Variants in IP6K3 observed in about 807,000 individuals in gnomAD.
IP6K3 encodes ATP:1D-myo-inositol-hexakisphosphate phosphotransferase.
A neutral mutation model predicts 28.8 loss-of-function variants in IP6K3; 20 were observed. That is an observed-to-expected ratio of 0.70 (90% CI 0.49 to 1.01). The LOEUF (loss-of-function observed/expected upper bound fraction) is 1.01, where lower values mean the gene tolerates loss of function less well. IP6K3 is among the 50% of genes least tolerant of loss of function. The pLI is 0.00. For synonymous variants in IP6K3, 213 were observed against 221.3 expected (o/e 0.96, Z 0.33); for missense variants, 480 against 537.1 (o/e 0.89, Z 1.05).
In IP6K3 at chr6:33,730,670, A is replaced by G. The variant is rs144502403; in HGVS notation, c.200-2370T>C. 2.1e-3 allele frequency among the ~76,000 whole-genome samples: 313 copies of G among 152,000 alleles called. 1 individual carries two copies. Among genetic ancestry groups the G allele is most frequent in the African/African-American group, 7.1e-3 (293 of 41,476 alleles). ...ATGTTGCTGCTTTTCCCTTGCTACC[A>G]CTAAGTCACAGTACGCCTGTAAGGG... On this transcript the variant is annotated intron_variant, in intron 2 of 5. Coordinates refer to ENST00000293756, the MANE Select transcript of IP6K3 (RefSeq NM_054111.5).
chr6:33,728,303 G>T lies in IP6K3; in HGVS notation c.200-3C>A. On this transcript the variant is annotated splice_polypyrimidine_tract_variant and splice_region_variant and intron_variant, in intron 2 of 5. Transcript: ENST00000293756. ...CCAGAGGTGCACTGTGACGGTACCT[G>T]CAAACACACAGGGAAGGGGAGGGGA... The T allele has an allele frequency of 6.2e-7, 1 of 1,613,906 alleles. No individual in the cohort carries two copies.
chr6:33,754,382 G>A, the IP6K3 span, among the ~76,000 whole-genome samples: 3 of 152,188 alleles, frequency 2.0e-5, no homozygotes, highest in Non-Finnish European at 2.9e-5. Flanking sequence ...ATAGCCTAGG[G>A]GGCGGCCACG....
intron 5 of IP6K3, among the ~76,000 whole-genome samples, chr6:33,724,843 A>G (rs1023617928): frequency 2.0e-5 from 3 of 152,222 alleles, no homozygotes; most frequent in African/African-American, 7.2e-5. Flanking sequence ...CAACATGAGC[A>G]GGAGCCACAT....
chr6:33,738,268 G>A (rs1004919813), intron 1 of IP6K3, among the ~76,000 whole-genome samples: 1 of 152,200 alleles, frequency 6.6e-6, no homozygotes, highest in African/African-American at 2.4e-5. Context: ...CCCCAGGGCT[G>A]GCCCCACACT....
At chr6:33,760,744 T>A in the IP6K3 span, among the ~76,000 whole-genome samples, 1 of 152,184 alleles carries the variant, frequency 6.6e-6, no homozygotes, top group Admixed American at 6.5e-5. Flanking sequence ...GCCAGGATGG[T>A]CTCGATCTCT....
At chr6:33,753,885 T>A in the IP6K3 span, among the ~76,000 whole-genome samples, 1 of 152,140 alleles carries the variant, frequency 6.6e-6, no homozygotes, top group African/African-American at 2.4e-5. Flanking sequence ...CTCAGCTCAC[T>A]GCAAGCTCTG....
At chr6:33,724,115 T>C (rs749906503) in intron 5 of IP6K3, among the ~76,000 whole-genome samples, 1 of 152,270 alleles carries the variant, frequency 6.6e-6, no homozygotes, top group Non-Finnish European at 1.5e-5. Context: ...AAAACCAGTG[T>C]TGAAAAAAAT....
At chr6:33,758,887 C>G in the IP6K3 span, among the ~76,000 whole-genome samples, 9 of 152,350 alleles carry the variant, frequency 5.9e-5, no homozygotes, top group Non-Finnish European at 8.8e-5. Context: ...GCGTGAACCA[C>G]TGTGCCCTGC....
rs602399 is a variant in IP6K3, at chr6:33,746,002, C to T, written c.-180+756G>A. On this transcript the variant is annotated intron_variant, in intron 1 of 5. Coordinates refer to ENST00000293756, the MANE Select transcript of IP6K3 (RefSeq NM_054111.5). This position sits in a 1 kb window ranked among gnomAD's most constrained non-coding sequence, Gnocchi z 6.5. Reference sequence around the variant, plus strand: ...AAAAATGTAGAAGGCAGAGTCCCTCCCTATGGGATCAGAATTTCAGGGGAA... The same window carrying T: ...AAAAATGTAGAAGGCAGAGTCCCTCTCTATGGGATCAGAATTTCAGGGGAA... 0.19 allele frequency among the ~76,000 whole-genome samples: 29,129 copies of T among 152,098 alleles called. 3,097 individuals are homozygous for T. Among genetic ancestry groups the T allele is most frequent in the African/African-American group, 0.26 (10,896 of 41,448 alleles).
At chr6:33,725,404 G>C (rs1766064608) in intron 5 of IP6K3, 37 bp downstream of exon 5, 1 of 1,579,422 alleles carries the variant, frequency 6.3e-7, no homozygotes, top group African/African-American at 1.3e-5. Flanking sequence ...GGACGTGCCG[G>C]GATGTCCCCC....
At position 33,744,493 on chromosome 6, in the gene IP6K3, TGTGA is replaced by T. The variant is rs963231608; in HGVS notation, c.-180+2261_-180+2264del. Among the ~76,000 whole-genome samples the T allele has an allele frequency of 6.6e-6, 1 of 152,138 alleles. No individual in the cohort carries two copies. Among genetic ancestry groups the T allele is most frequent in the Non-Finnish European group, 1.5e-5 (1 of 68,020 alleles). On this transcript the variant is annotated intron_variant, in intron 1 of 5. Coordinates refer to ENST00000293756, the MANE Select transcript of IP6K3 (RefSeq NM_054111.5). The surrounding 1 kb of genome is among the most constrained non-coding windows in gnomAD (Gnocchi z 4.4). ...GTGCGTGCATGTGTTTGTATGTTTG[TGTGA>T]GTGTGTGTGAATGCTTGTGCGTGTG...
intron 1 of IP6K3, among the ~76,000 whole-genome samples, chr6:33,741,916 A>T (rs1390899271): frequency 6.6e-6 from 1 of 151,690 alleles, no homozygotes. Context: ...GTGCCATTGC[A>T]CTCCAGCCTG....
chr6:33,733,350 G>C (rs9461902), intron 2 of IP6K3, among the ~76,000 whole-genome samples: 15,095 of 152,324 alleles, frequency 0.099, 1,451 homozygotes, highest in African/African-American at 0.25. Context: ...CCTGAACAGA[G>C]ATCAGTGCTC....
intron 1 of IP6K3, among the ~76,000 whole-genome samples, chr6:33,745,077 C>A (rs1440437821): frequency 6.6e-6 from 1 of 152,248 alleles, no homozygotes; most frequent in East Asian, 1.9e-4. Context: ...TAACACACTG[C>A]AACTGCAGCC....
the IP6K3 span, among the ~76,000 whole-genome samples, chr6:33,752,317 G>A: frequency 6.6e-6 from 1 of 152,236 alleles, no homozygotes. Context: ...CTGGTCCTTG[G>A]AGAACTTTGC....
At chr6:33,725,090 G>A (rs1174904768) in intron 5 of IP6K3, among the ~76,000 whole-genome samples, 1 of 151,972 alleles carries the variant, frequency 6.6e-6, no homozygotes, top group Non-Finnish European at 1.5e-5. Context: ...TTAGCCAGGC[G>A]TGGGGGTGGG....
intron 2 of IP6K3, 32 bp downstream of exon 2, chr6:33,735,246 C>T: frequency 2.5e-6 from 4 of 1,583,556 alleles, no homozygotes; most frequent in Non-Finnish European, 3.5e-6. Flanking sequence ...TGTGGCAGCA[C>T]CCAGACGTGG....
intron 1 of IP6K3, among the ~76,000 whole-genome samples, chr6:33,737,035 A>G (rs1236233650): frequency 6.6e-6 from 1 of 152,102 alleles, no homozygotes; most frequent in Admixed American, 6.5e-5. Context: ...AAATGAGGAG[A>G]GTGAGGCCTA....
At chr6:33,759,379 C>G in the IP6K3 span, among the ~76,000 whole-genome samples, 1 of 152,258 alleles carries the variant, frequency 6.6e-6, no homozygotes, top group South Asian at 2.1e-4. Context: ...CGCGGAGAGA[C>G]TACAGGCACG....
Sources: gnomAD v4.1 joint callset for allele counts (sites outside exome capture counted in the v4.1 genomes callset) on GRCh38, gnomAD v4.1.1 for gene constraint, Gnocchi (gnomAD v3.1) non-coding constraint, MANE v1.5 for transcripts, NCBI Gene and HGNC (gene_info 2026-07-23, HGNC 2026-07-21) for gene names.